TDRD5: variants seen among roughly 807,000 people sequenced by gnomAD.
TDRD5 encodes tudor domain containing 5.
Under a neutral mutation model 120.6 loss-of-function variants are expected in TDRD5, and 41 were observed. That is an observed-to-expected ratio of 0.34 (90% CI 0.26 to 0.44). TDRD5 has a LOEUF of 0.44. Among genes scored for constraint, TDRD5 ranks in the 20% least tolerant of loss-of-function variants. The pLI, the probability that TDRD5 is intolerant of heterozygous loss-of-function variation, is 1.00. For synonymous variants in TDRD5, 430 were observed against 433.7 expected, an observed-to-expected ratio of 0.99 and a Z score of 0.11; for missense variants, 1,006 against 1,221.2, an observed-to-expected ratio of 0.82 and a Z score of 2.63.
In TDRD5 at chr1:179,652,088, G is replaced by T; in HGVS notation, c.2051G>T (p.Gly684Val). Residue 684 changes from glycine to valine, a missense_variant, in exon 13 of 18, where the codon GGG becomes GTG. Physicochemically the swap from Gly to Val is moderately radical, Grantham distance 109. This residue lies in a region of TDRD5 where 403 missense variants were observed against 448.1 expected (regional missense o/e 0.90). Coordinates refer to ENST00000444136, the MANE Select transcript of TDRD5 (RefSeq NM_001199085.3). ...GCTTTATACACGACATCCAGTGGAG[G>T]GCCAGAGGACATTGTCTTGACAGAA... is the stretch of plus-strand genomic sequence containing the variant. ...PLALYTTSSG[G>V]PEDIVLTELG... 6.2e-7 allele frequency: 1 copy of T among 1,613,800 alleles called. No individual in the cohort carries two copies. The highest frequency in any genetic ancestry group is 8.5e-7 in the Non-Finnish European group (1 of 1,179,946).
At chr1:179,634,769 T>C (rs1677674447) in intron 8 of TDRD5, 140 bp downstream of exon 8, 2 of 1,052,096 alleles carry the variant, frequency 1.9e-6, no homozygotes, top group South Asian at 4.2e-5. Flanking sequence ...CATCTTTGTA[T>C]TGAAGTTATG....
rs1205276345 is a variant in TDRD5 at position 179,651,065 on chromosome 1, A to G, written c.1999A>G (p.Lys667Glu). The stretch of plus-strand genomic sequence containing the variant: ...TGTATGCCGAGAAAATATCTCTTCT[A>G]AGGTGGAGCAGTCTGGATGTATTTT... ...AIVCRENISSKGFSELNPLAL... is the reference protein window; with the variant it reads ...AIVCRENISSEGFSELNPLAL... Residue 667 changes from lysine (K) to glutamate (E), a missense_variant and splice_region_variant, in exon 12 of 18, where the codon AAG (lysine) becomes GAG (glutamate). Lys to Glu is a moderately conservative substitution (Grantham distance 56). This residue lies in a region of TDRD5 where 403 missense variants were observed against 448.1 expected (regional missense o/e 0.90). Coordinates refer to ENST00000444136, the MANE Select transcript of TDRD5 (RefSeq NM_001199085.3). The G allele has an allele frequency of 1.2e-6, 2 of 1,614,042 alleles. No homozygotes were observed. Among genetic ancestry groups the G allele is most frequent in the East Asian group, 2.2e-5 (1 of 44,872 alleles).
chr1:179,605,384 G>C (rs1002924400), intron 4 of TDRD5, among the ~76,000 whole-genome samples: 1 of 152,130 alleles, frequency 6.6e-6, no homozygotes, highest in Non-Finnish European at 1.5e-5. Flanking sequence ...TGTTAGTTTT[G>C]AGATGTGAGG....
At chr1:179,663,220 T>C (rs1048969572) in intron 15 of TDRD5, 128 bp from the exon 16 acceptor site, 16 of 1,114,006 alleles carry the variant, frequency 1.4e-5, no homozygotes, top group Middle Eastern at 2.1e-4. Context: ...CAAACTGATA[T>C]AGAAAGTTAA....
chr1:179,683,726 C>G (rs4652438), intron 17 of TDRD5, among the ~76,000 whole-genome samples: 61,838 of 152,024 alleles, frequency 0.41, 12,750 homozygotes, highest in Admixed American at 0.46. Flanking sequence ...TGAAGGGTTT[C>G]CAGCAGTGGA....
Position 179,669,460 on chromosome 1 carries a change from T to C in TDRD5, c.2860+56T>C, listed in dbSNP as rs138385055. ...AGTTGACAAACATGATGGTTTGCCA[T>C]GTTGCTAAAACAAACCTTCATTTAT... On this transcript the variant is annotated intron_variant, in intron 17 of 17. Transcript: ENST00000444136. The C allele has an allele frequency of 4.3e-5, 68 of 1,592,960 alleles. 1 individual carries two copies. The East Asian group carries it at 1.2e-3, about 29-fold the overall frequency.
intron 11 of TDRD5, among the ~76,000 whole-genome samples, chr1:179,641,201 T>A (rs1361488650): frequency 1.3e-5 from 2 of 152,196 alleles, no homozygotes; most frequent in Non-Finnish European, 2.9e-5. Context: ...GTTGCTCACA[T>A]ATAAATGGAT....
intron 6 of TDRD5, among the ~76,000 whole-genome samples, chr1:179,628,324 C>CTTTTT (rs71569258): frequency 1.9e-3 from 105 of 54,578 alleles, no homozygotes; most frequent in Non-Finnish European, 2.5e-3. Flanking sequence ...CTTTTCTTTT[C>CTTTTT]TTTTTTTTTT....
In TDRD5 at chr1:179,654,349, A is replaced by G; in HGVS notation, c.2309A>G (p.Lys770Arg). 1 of 1,530,792 alleles carries G rather than the reference A, an allele frequency of 6.5e-7. No individual in the cohort carries two copies. The highest frequency in any genetic ancestry group is 1.4e-5 in the African/African-American group (1 of 72,160). The allele number at this position is 1,530,792 out of a possible 1,614,324, so 94.8% of individuals were successfully genotyped here. A position where few individuals can be genotyped will look rare whatever the true frequency, so the allele number is the denominator to read the frequency against. ...KWSNPEPNDLKEENEDEIPTG... is the reference protein window; with the variant it reads ...KWSNPEPNDLREENEDEIPTG... Reference sequence around the variant, plus strand: ...TCCAACCCAGAACCAAACGATCTGAAGGAAGAAAATGAGGTAGGAGAAGGA... The same window carrying G: ...TCCAACCCAGAACCAAACGATCTGAGGGAAGAAAATGAGGTAGGAGAAGGA... Residue 770 changes from lysine (K) to arginine (R), a missense_variant, in exon 14 of 18, where the codon AAG becomes AGG. Coordinates refer to ENST00000444136, the MANE Select transcript of TDRD5 (RefSeq NM_001199085.3).
intron 6 of TDRD5, among the ~76,000 whole-genome samples, chr1:179,625,527 T>G (rs1259760250): frequency 6.6e-6 from 1 of 152,158 alleles, no homozygotes; most frequent in Admixed American, 6.6e-5. Flanking sequence ...CAGATATGAG[T>G]GACTGATAAA....
intron 4 of TDRD5, among the ~76,000 whole-genome samples, chr1:179,614,917 T>C (rs1558380430): frequency 6.6e-6 from 1 of 152,130 alleles, no homozygotes; most frequent in Admixed American, 6.6e-5. Context: ...TTACTCTTAA[T>C]TTTCAAATAC....
chr1:179,637,406 A>T (rs932563370), intron 9 of TDRD5, among the ~76,000 whole-genome samples: 1 of 152,184 alleles, frequency 6.6e-6, no homozygotes, highest in Admixed American at 6.5e-5. Context: ...GAGTTCTAAA[A>T]ATTAAAGTAC....
intron 9 of TDRD5, among the ~76,000 whole-genome samples, chr1:179,636,363 A>T (rs1677764595): frequency 6.6e-6 from 1 of 152,176 alleles, no homozygotes; most frequent in Non-Finnish European, 1.5e-5. Flanking sequence ...CTCAAATGTT[A>T]TTTGGAATTT....
At position 179,635,832 on chromosome 1, in the gene TDRD5, C is replaced by T. The variant is rs1234558409; in HGVS notation, c.1465C>T (p.Arg489Trp). 3.7e-6 allele frequency: 6 copies of T among 1,613,734 alleles called. No individual in the cohort carries two copies. Among genetic ancestry groups the T allele is most frequent in the Non-Finnish European group, 5.1e-6 (6 of 1,179,934 alleles). The change falls in exon 9 of 18, where the codon CGG becomes TGG. Residue 489 changes from arginine (R) to tryptophan (W), a missense_variant. Around this residue, in one of 3 missense-constraint regions of TDRD5, gnomAD observed 158 missense variants for 257.5 expected, o/e 0.61. Coordinates refer to ENST00000444136, the MANE Select transcript of TDRD5 (RefSeq NM_001199085.3). The stretch of plus-strand genomic sequence containing the variant: ...CATCTCTCCTAGTCAATTCTACATC[C>T]GGATCTATAGCAGGGATTCGTCAGA... Reference protein sequence around the residue: ...YIISPSQFYIRIYSRDSSELL... With the variant: ...YIISPSQFYIWIYSRDSSELL...
chr1:179,632,282 T>C (rs555028364), intron 7 of TDRD5, among the ~76,000 whole-genome samples: 1 of 152,282 alleles, frequency 6.6e-6, no homozygotes, highest in African/African-American at 2.4e-5. Context: ...TAATACACTA[T>C]GATACCATGT....
chr1:179,657,761 G>A (rs1305711785), intron 14 of TDRD5, among the ~76,000 whole-genome samples: 1 of 151,986 alleles, frequency 6.6e-6, no homozygotes, highest in Non-Finnish European at 1.5e-5. Context: ...CATATATGGT[G>A]TACAACATGT....
At chr1:179,613,539 G>A (rs1056611186) in intron 4 of TDRD5, among the ~76,000 whole-genome samples, 3 of 152,166 alleles carry the variant, frequency 2.0e-5, no homozygotes, top group Non-Finnish European at 2.9e-5. Flanking sequence ...CAACATTCTT[G>A]GAAGCATGGA....
At chr1:179,619,426 AT>A (rs752305091) in intron 5 of TDRD5, among the ~76,000 whole-genome samples, 7 of 152,230 alleles carry the variant, frequency 4.6e-5, no homozygotes, top group Non-Finnish European at 8.8e-5. Context: ...GTACACTTAA[AT>A]TTTTTGTGGG....
At chr1:179,641,938 G>A (rs894166015) in intron 11 of TDRD5, among the ~76,000 whole-genome samples, 2 of 151,990 alleles carry the variant, frequency 1.3e-5, no homozygotes, top group Admixed American at 6.6e-5. Flanking sequence ...TTTCTTGGGG[G>A]CATTTTATTT....
Sources: allele counts gnomAD v4.1 joint callset (sites outside exome capture counted in the v4.1 genomes callset), GRCh38; gene constraint gnomAD v4.1.1; regional missense constraint gnomAD v4.1.1; transcripts MANE v1.5; gene names NCBI Gene and HGNC (gene_info 2026-07-23, HGNC 2026-07-21).